ADAMTS6: variants seen among roughly 807,000 people sequenced by gnomAD.
The protein encoded by ADAMTS6 is ADAM metallopeptidase with thrombospondin type 1 motif 6, also known as A disintegrin and metalloproteinase with thrombospondin motifs 6.
A neutral mutation model predicts 144.3 loss-of-function variants in ADAMTS6; 23 were observed. That is an observed-to-expected ratio of 0.16 (90% CI 0.11 to 0.23). ADAMTS6 has a LOEUF of 0.23. Ranked by LOEUF, ADAMTS6 falls within the 10% of genes least tolerant of loss-of-function variation. ADAMTS6 has a pLI of 1.00. For synonymous variants in ADAMTS6, 444 were observed against 457.5 expected (o/e 0.97, Z 0.38); for missense variants, 999 against 1,379.6 (o/e 0.72, Z 4.37).
intron 21 of ADAMTS6, among the ~76,000 whole-genome samples, chr5:65,195,879 T>G (rs1445896653): frequency 6.6e-6 from 1 of 152,232 alleles, no homozygotes; most frequent in Admixed American, 6.5e-5. Context: ...TCTCTTGCAG[T>G]TTTCAATCAG....
chr5:65,269,525 A>G (rs1761896140), intron 12 of ADAMTS6, among the ~76,000 whole-genome samples: 1 of 152,148 alleles, frequency 6.6e-6, no homozygotes, highest in South Asian at 2.1e-4. Context: ...TTGCTTTTTT[A>G]CTTTGCAAAA....
Position 65,157,949 on chromosome 5 carries a change from A to G in ADAMTS6, c.3245-6004T>C, listed in dbSNP as rs940426208. On this transcript the variant is annotated intron_variant, in intron 24 of 24. Coordinates refer to ENST00000381055, the MANE Select transcript of ADAMTS6 (RefSeq NM_197941.4). ...GCTATCGAACTTTACACTGATTTCA[A>G]TTTCCCATAGACTAGACCATTCCTT... Among the ~76,000 whole-genome samples, 42 of 152,238 alleles carry G rather than the reference A, an allele frequency of 2.8e-4. 1 individual carries two copies. The highest frequency in any genetic ancestry group is 4.4e-5 in the Non-Finnish European group (3 of 68,026).
intron 20 of ADAMTS6, among the ~76,000 whole-genome samples, chr5:65,211,574 C>T (rs1001018629): frequency 1.3e-5 from 2 of 152,082 alleles, no homozygotes; most frequent in Non-Finnish European, 2.9e-5. Context: ...TGTGCTCCAG[C>T]CTGGGTGACA....
At chr5:65,383,333 T>G (rs1365267529) in intron 7 of ADAMTS6, among the ~76,000 whole-genome samples, 9 of 152,094 alleles carry the variant, frequency 5.9e-5, no homozygotes, top group African/African-American at 2.2e-4. Flanking sequence ...TGAGGCAAAC[T>G]GCTCTCCAGT....
At chr5:65,274,294 A>G (rs959058997) in intron 11 of ADAMTS6, among the ~76,000 whole-genome samples, 1 of 152,210 alleles carries the variant, frequency 6.6e-6, no homozygotes, top group African/African-American at 2.4e-5. Context: ...CCTTTTGAAG[A>G]AAATAGTCAA....
In ADAMTS6 at chr5:65,302,221, C is replaced by T. The variant is rs886625450; in HGVS notation, c.1224-2090G>A. ...TATGATATTATACATATATTATATA[C>T]TTATACATATAATTATTATATACAT... is the stretch of plus-strand genomic sequence containing the variant. On this transcript the variant is annotated intron_variant, in intron 9 of 24. Coordinates refer to ENST00000381055, the MANE Select transcript of ADAMTS6 (RefSeq NM_197941.4). Among the ~76,000 whole-genome samples the T allele has an allele frequency of 2.9e-5, 4 of 139,054 alleles. No individual in the cohort carries two copies. The Admixed American group carries it at 3.0e-4, about 10-fold the overall frequency. The allele number at this position is 139,054 out of a possible 152,430, so 91.2% of individuals were successfully genotyped here.
At chr5:65,367,639 C>A (rs1750424302) in intron 7 of ADAMTS6, among the ~76,000 whole-genome samples, 1 of 152,128 alleles carries the variant, frequency 6.6e-6, no homozygotes, top group African/African-American at 2.4e-5. Flanking sequence ...CCTGGAACAA[C>A]TCCAAACAGC....
At chr5:65,290,904 A>G (rs953989159) in intron 11 of ADAMTS6, among the ~76,000 whole-genome samples, 5 of 152,142 alleles carry the variant, frequency 3.3e-5, no homozygotes, top group African/African-American at 1.2e-4. Context: ...ATGAAGCAAC[A>G]TGAAGTGACT....
chr5:65,238,288 C>CA (rs1193340973), intron 15 of ADAMTS6, among the ~76,000 whole-genome samples: 4 of 151,850 alleles, frequency 2.6e-5, no homozygotes, highest in Non-Finnish European at 5.9e-5. Flanking sequence ...GACTGTTTAA[C>CA]AAAAAAATTC....
chr5:65,190,706 T>C (rs1219982174), intron 21 of ADAMTS6, among the ~76,000 whole-genome samples: 3 of 152,160 alleles, frequency 2.0e-5, no homozygotes, highest in Non-Finnish European at 4.4e-5. Flanking sequence ...CCTAGATGTA[T>C]CACTCTAGCC....
chr5:65,265,552 T>C (rs970574367), intron 12 of ADAMTS6, among the ~76,000 whole-genome samples: 7 of 151,970 alleles, frequency 4.6e-5, no homozygotes, highest in African/African-American at 1.7e-4. Context: ...CTGAGCAGTA[T>C]AGTCCTGGCC....
At chr5:65,419,444 A>T (rs1220551789) in intron 7 of ADAMTS6, among the ~76,000 whole-genome samples, 2 of 152,176 alleles carry the variant, frequency 1.3e-5, no homozygotes, top group African/African-American at 4.8e-5. Flanking sequence ...TAACTATTGG[A>T]CACTATGTTC....
rs10673039 is a variant in ADAMTS6, at chr5:65,332,312, TAGAGAG to T, written c.1117+1724_1117+1729del. On this transcript the variant is annotated intron_variant, in intron 8 of 24. Coordinates refer to ENST00000381055, the MANE Select transcript of ADAMTS6 (RefSeq NM_197941.4). ...GTATATATATATATATATATATATA[TAGAGAG>T]AGAGAGAGAGAGAGAGAGAGAGTGT... Among the ~76,000 whole-genome samples, 676 of 102,078 alleles carry T rather than the reference TAGAGAG, an allele frequency of 6.6e-3. 2 individuals carry two copies. The highest frequency in any genetic ancestry group is 0.01 in the Non-Finnish European group (494 of 47,160). 67.0% of individuals were successfully genotyped at this position (102,078 alleles called of 152,430 possible). A position where few individuals can be genotyped will look rare whatever the true frequency, so the allele number is the denominator to read the frequency against.
Position 65,164,150 on chromosome 5 carries a change from G to A in ADAMTS6, c.3244+6467C>T, listed in dbSNP as rs182706415. ...TAATCTCACTAGGGAGTGCCAGACA[G>A]TGGGCGCAGGCCAGTGGGTGCGCGC... On this transcript the variant is annotated intron_variant, in intron 24 of 24. Transcript: ENST00000381055. Among the ~76,000 whole-genome samples, 1,073 of 152,134 alleles carry A rather than the reference G, an allele frequency of 7.1e-3. 49 individuals carry two copies. Among genetic ancestry groups the A allele is most frequent in the Admixed American group, 0.066 (1,006 of 15,282 alleles).
intron 11 of ADAMTS6, among the ~76,000 whole-genome samples, chr5:65,278,353 G>A (rs1232995189): frequency 6.6e-6 from 1 of 152,092 alleles, no homozygotes; most frequent in Non-Finnish European, 1.5e-5. Context: ...ACCCAGTAGT[G>A]GGATTGCTAG....
At chr5:65,418,724 T>C (rs913345066) in intron 7 of ADAMTS6, among the ~76,000 whole-genome samples, 1 of 151,922 alleles carries the variant, frequency 6.6e-6, no homozygotes, top group Non-Finnish European at 1.5e-5. Flanking sequence ...TAACAGCATT[T>C]TAAAATGGGC....
intron 24 of ADAMTS6, among the ~76,000 whole-genome samples, chr5:65,157,876 C>T (rs572823829): frequency 1.1e-4 from 17 of 152,326 alleles, no homozygotes; most frequent in African/African-American, 4.1e-4. Context: ...TTCATTGTAA[C>T]AGAACAGTAC....
At chr5:65,480,087 G>A (rs1392015866) in intron 1 of ADAMTS6, among the ~76,000 whole-genome samples, 2 of 152,048 alleles carry the variant, frequency 1.3e-5, no homozygotes, top group African/African-American at 2.4e-5. Flanking sequence ...CACCAATTTT[G>A]TGTTACGTTT....
At chr5:65,397,686 G>A (rs1342268375) in intron 7 of ADAMTS6, among the ~76,000 whole-genome samples, 2 of 151,760 alleles carry the variant, frequency 1.3e-5, no homozygotes, top group Non-Finnish European at 2.9e-5. Context: ...AGGCCAGCCT[G>A]TGCAACATGG....
Sources: gnomAD v4.1 joint callset for allele counts (sites outside exome capture counted in the v4.1 genomes callset) on GRCh38, gnomAD v4.1.1 for gene constraint, MANE v1.5 for transcripts, NCBI Gene and HGNC (gene_info 2026-07-23, HGNC 2026-07-21) for gene names.